The following MAMDC2 variants were observed in gnomAD, a reference collection of about 807,000 sequenced individuals.
The protein encoded by MAMDC2 is MAM domain-containing protein 2.
MAMDC2 carries 57 observed loss-of-function variants against 89.8 expected under a neutral mutation model. That is an observed-to-expected ratio of 0.63 (90% CI 0.51 to 0.79). The LOEUF (loss-of-function observed/expected upper bound fraction) is 0.79, where lower values mean the gene tolerates loss of function less well. MAMDC2 is among the 30% of genes least tolerant of loss of function. MAMDC2 has a pLI of 0.00. For missense variants in MAMDC2, 800 were observed against 820.6 expected (o/e 0.97, Z 0.31); for synonymous variants, 313 against 293.4 (o/e 1.07, Z -0.68).
At chr9:70,065,808 A>G (rs1372058776) in intron 2 of MAMDC2, among the ~76,000 whole-genome samples, 1 of 152,308 alleles carries the variant, frequency 6.6e-6, no homozygotes, top group Non-Finnish European at 1.5e-5. Context: ...TGATTCTTAC[A>G]TTGCATAGCC....
chr9:70,133,704 G>A (rs576095779), intron 7 of MAMDC2, among the ~76,000 whole-genome samples: 14 of 152,298 alleles, frequency 9.2e-5, no homozygotes, highest in African/African-American at 2.6e-4. Flanking sequence ...TAGCAAAGAC[G>A]GAAGAAGCTG....
intron 5 of MAMDC2, among the ~76,000 whole-genome samples, chr9:70,121,431 CTT>C (rs933625031): frequency 6.6e-6 from 1 of 152,080 alleles, no homozygotes; most frequent in Non-Finnish European, 1.5e-5. Context: ...ACCTCAGGCT[CTT>C]TGTGTATAAT....
chr9:70,140,281 A>T lies in MAMDC2; in HGVS notation c.1131A>T (p.Thr377=). 2 of 1,597,274 alleles carry T rather than the reference A, an allele frequency of 1.3e-6. No homozygotes were observed. The highest frequency in any genetic ancestry group is 4.6e-5 in the East Asian group (2 of 43,628). ...PNMYRAGDHT[T]GLGYYLLANT... is the part of the protein sequence containing the mutation. Reference sequence around the variant, plus strand: ...TGTATCGGGCTGGAGACCACACTACAGGCTTAGGTAAATCAGAGATCTGTC... The same window carrying T: ...TGTATCGGGCTGGAGACCACACTACTGGCTTAGGTAAATCAGAGATCTGTC... Residue 377 remains threonine, a synonymous_variant, in exon 8 of 14, where the codon ACA becomes ACT. Transcript: ENST00000377182.
rs1407666226 is a variant in MAMDC2 at position 70,131,521 on chromosome 9, T to C, written c.903T>C (p.Val301=). The C allele has an allele frequency of 1.3e-6, 2 of 1,597,092 alleles. No homozygotes were observed. The highest frequency in any genetic ancestry group is 1.7e-6 in the Non-Finnish European group (2 of 1,175,318). The part of the protein sequence containing the change: ...VEFSAPYPME[V]IFEVAFNGPK... Reference sequence around the variant, plus strand: ...CAGCATGCCATTTTCCTCTGCAGGTTATTTTTGAAGTTGCTTTCAATGGTC... The same window carrying C: ...CAGCATGCCATTTTCCTCTGCAGGTCATTTTTGAAGTTGCTTTCAATGGTC... The change falls in exon 7 of 14, where the codon GTT becomes GTC. Residue 301 remains valine (V), a splice_region_variant and synonymous_variant. Coordinates refer to ENST00000377182, the MANE Select transcript of MAMDC2 (RefSeq NM_153267.5).
At chr9:70,105,105 G>A (rs1828301852) in intron 2 of MAMDC2, among the ~76,000 whole-genome samples, 1 of 152,056 alleles carries the variant, frequency 6.6e-6, no homozygotes, top group South Asian at 2.1e-4. Context: ...TTTTCTTAGT[G>A]ACAAGGCAGG....
Position 70,218,558 on chromosome 9 carries a change from C to T in MAMDC2, c.1873C>T (p.Arg625Ter), listed in dbSNP as rs776841922. 7.4e-6 allele frequency: 12 copies of T among 1,613,682 alleles called. No individual in the cohort carries two copies. The highest frequency in any genetic ancestry group is 6.7e-5 in the African/African-American group (5 of 74,918). Residue 625 changes from arginine to a stop codon, truncating the protein, a stop_gained, in exon 12 of 14, where the codon CGA becomes TGA. Coordinates refer to ENST00000377182, the MANE Select transcript of MAMDC2 (RefSeq NM_153267.5). LOFTEE classifies it high-confidence loss of function. The part of the protein sequence containing the change: ...RRGEQSISWL[R>*]ALIEYSCERQ... ...AGGTGAACAGAGCATTTCCTGGCTA[C>T]GAGCACTGATTGAATACAGCTGTGA...
chr9:70,083,621 G>C (rs1006777748), intron 2 of MAMDC2: 1 of 151,922 alleles, frequency 6.6e-6, no homozygotes, highest in South Asian at 2.1e-4. Context: ...GAGAGCTCCA[G>C]GTCAGGCACT....
At chr9:70,058,029 A>G in intron 2 of MAMDC2, among the ~76,000 whole-genome samples, 1 of 152,258 alleles carries the variant, frequency 6.6e-6, no homozygotes, top group East Asian at 1.9e-4. Context: ...GTTGCTAAAA[A>G]TAAGCTCAAA....
chr9:70,187,328 TA>T (rs1198046024), intron 11 of MAMDC2, among the ~76,000 whole-genome samples: 1 of 152,090 alleles, frequency 6.6e-6, no homozygotes, highest in African/African-American at 2.4e-5. Flanking sequence ...CTTGGCCAAT[TA>T]AAAAATTTTT....
At chr9:70,225,625 C>T in intron 12 of MAMDC2, 125 bp from the exon 13 acceptor site, 1 of 540,100 alleles carries the variant, frequency 1.9e-6, no homozygotes, top group Non-Finnish European at 3.3e-6. Flanking sequence ...AATTTGGTAT[C>T]CTTTTCCTTA....
chr9:70,146,947 T>C lies in MAMDC2; in HGVS notation c.1404+3128T>C, dbSNP rs1307380059. Among the ~76,000 whole-genome samples the C allele has an allele frequency of 2.2e-5, 3 of 135,988 alleles. 1 individual carries two copies. Among genetic ancestry groups the C allele is most frequent in the African/African-American group, 8.3e-5 (3 of 35,952 alleles). 89.2% of individuals were successfully genotyped at this position (135,988 alleles called of 152,430 possible). ...AAGACTCCATCTAAAAATAAATAAA[T>C]AAACATCAAGACTAACTGCCTCATT... On this transcript the variant is annotated intron_variant, in intron 9 of 13. Coordinates refer to ENST00000377182, the MANE Select transcript of MAMDC2 (RefSeq NM_153267.5).
chr9:70,105,484 A>G lies in MAMDC2; in HGVS notation c.149-2727A>G, dbSNP rs2975879. Among the ~76,000 whole-genome samples, 1,291 of 152,314 alleles carry G rather than the reference A, an allele frequency of 8.5e-3. 22 individuals are homozygous for G. Among genetic ancestry groups the G allele is most frequent in the African/African-American group, 0.03 (1,232 of 41,570 alleles). On this transcript the variant is annotated intron_variant, in intron 2 of 13. Transcript: ENST00000377182. ...TCATTCTGCTGAGTGGATTGCATCC[A>G]ATCAGCTGGGTAGATACATCTTTGC...
At chr9:70,176,997 T>C (rs550417500) in intron 11 of MAMDC2, among the ~76,000 whole-genome samples, 1 of 152,298 alleles carries the variant, frequency 6.6e-6, no homozygotes, top group Admixed American at 6.5e-5. Context: ...GCTTAATCTA[T>C]AAATTAGGCA....
intron 2 of MAMDC2, among the ~76,000 whole-genome samples, chr9:70,059,457 C>G (rs570485404): frequency 1.6e-4 from 24 of 152,172 alleles, no homozygotes; most frequent in Non-Finnish European, 1.9e-4. Flanking sequence ...GTTCTATTAT[C>G]CTTCGTGTTA....
intron 4 of MAMDC2, among the ~76,000 whole-genome samples, chr9:70,111,319 T>C (rs1191889447): frequency 1.3e-5 from 2 of 152,220 alleles, no homozygotes; most frequent in African/African-American, 2.4e-5. Flanking sequence ...CCAAAACATG[T>C]TAATTGCCTT....
intron 11 of MAMDC2, chr9:70,217,811 G>A (rs1275978332): frequency 1.9e-5 from 12 of 647,300 alleles, no homozygotes; most frequent in Non-Finnish European, 2.8e-5. Context: ...TGCATAACAT[G>A]TGAGCATATG....
chr9:70,044,439 G>A, intron 1 of MAMDC2, 145 bp from the exon 2 acceptor site: 1 of 803,962 alleles, frequency 1.2e-6, no homozygotes, highest in Non-Finnish European at 2.0e-6. Flanking sequence ...GCCCGGGGAT[G>A]CTGGGGGACA....
chr9:70,220,223 G>A (rs1320276704), intron 12 of MAMDC2, among the ~76,000 whole-genome samples: 1 of 152,138 alleles, frequency 6.6e-6, no homozygotes, highest in Non-Finnish European at 1.5e-5. Context: ...CTAGGCCTTG[G>A]GGATCAGACA....
intron 7 of MAMDC2, among the ~76,000 whole-genome samples, chr9:70,136,215 C>T (rs758104211): frequency 4.7e-4 from 72 of 152,278 alleles, no homozygotes; most frequent in Admixed American, 2.2e-3. Context: ...CCCCCAAACC[C>T]GTGGCAATTA....
Sources: gnomAD v4.1 joint callset for allele counts (sites outside exome capture counted in the v4.1 genomes callset) on GRCh38, gnomAD v4.1.1 for gene constraint, MANE v1.5 for transcripts, NCBI Gene and HGNC (gene_info 2026-07-23, HGNC 2026-07-21) for gene names.